B4GALT5: variants seen among roughly 807,000 people sequenced by gnomAD.
B4GALT5 encodes beta-1,4-galactosyltransferase 5.
Under a neutral mutation model 45.0 loss-of-function variants are expected in B4GALT5, and 11 were observed. The observed-to-expected ratio is 0.24, with a 90% CI of 0.15 to 0.40. B4GALT5 has a LOEUF of 0.40. Ranked by LOEUF, B4GALT5 falls within the 10% of genes least tolerant of loss-of-function variation. The pLI is 1.00. For synonymous variants in B4GALT5, 185 were observed against 182.9 expected, an observed-to-expected ratio of 1.01 and a Z score of -0.09; for missense variants, 337 against 500.2, an observed-to-expected ratio of 0.67 and a Z score of 3.11.
intron 1 of B4GALT5, among the ~76,000 whole-genome samples, chr20:49,661,643 C>A (rs1355620171): frequency 6.6e-6 from 1 of 152,178 alleles, no homozygotes; most frequent in Non-Finnish European, 1.5e-5. Context: ...GTGGTTAAAT[C>A]CTCCAGTTTC....
chr20:49,641,899 T>C (rs796823294), intron 5 of B4GALT5, among the ~76,000 whole-genome samples: 5 of 152,168 alleles, frequency 3.3e-5, no homozygotes, highest in Middle Eastern at 3.4e-3. Flanking sequence ...AGGACAGTCA[T>C]GTTCCATCTA....
intron 1 of B4GALT5, among the ~76,000 whole-genome samples, chr20:49,674,082 A>T: frequency 5.6e-4 from 1 of 1,798 alleles, no homozygotes; most frequent in Non-Finnish European, 1.8e-3. Flanking sequence ...TTAAAAATAC[A>T]AAAAAAAAAA....
Position 49,647,015 on chromosome 20 carries a change from T to C in B4GALT5, c.314A>G (p.Asp105Gly). The C allele has an allele frequency of 1.2e-6, 2 of 1,614,016 alleles. No individual in the cohort carries two copies. The highest frequency in any genetic ancestry group is 1.7e-6 in the Non-Finnish European group (2 of 1,179,936). Residue 105 changes from aspartate to glycine, a missense_variant, in exon 3 of 9, where the codon GAC becomes GGC. Transcript: ENST00000371711. ...GGTATGGTTTGCAAAGTAGGTGAAGTCTTCAGGAAGAAATGTTGTAGTTTG... is the reference window on the plus strand; with the variant it reads ...GGTATGGTTTGCAAAGTAGGTGAAGCCTTCAGGAAGAAATGTTGTAGTTTG... ...FLQTTTFLPE[D>G]FTYFANHTCP...
chr20:49,639,272 T>C (rs1415866858), intron 7 of B4GALT5, among the ~76,000 whole-genome samples: 1 of 152,222 alleles, frequency 6.6e-6, no homozygotes, highest in Non-Finnish European at 1.5e-5. Context: ...AATAGCTGCT[T>C]TGTTGGGATA....
At chr20:49,672,841 A>G (rs1304884854) in intron 1 of B4GALT5, among the ~76,000 whole-genome samples, 2 of 152,198 alleles carry the variant, frequency 1.3e-5, no homozygotes, top group African/African-American at 4.8e-5. Context: ...AAACAAACAA[A>G]AAACAAATCT....
At chr20:49,667,017 A>G (rs2085693466) in intron 1 of B4GALT5, among the ~76,000 whole-genome samples, 1 of 152,172 alleles carries the variant, frequency 6.6e-6, no homozygotes, top group Non-Finnish European at 1.5e-5. Flanking sequence ...ACTGAGAGGC[A>G]GGTTGTTACC....
chr20:49,684,542 G>A (rs560783528), intron 1 of B4GALT5: 6 of 514,856 alleles, frequency 1.2e-5, no homozygotes, highest in Non-Finnish European at 2.3e-5. Context: ...CAGCCTGGGC[G>A]ATAGAGCAAG....
chr20:49,658,962 T>A (rs1030953230), intron 1 of B4GALT5, among the ~76,000 whole-genome samples: 2 of 152,198 alleles, frequency 1.3e-5, no homozygotes, highest in African/African-American at 2.4e-5. Flanking sequence ...AGTAATACTA[T>A]CCAATTTACA....
rs1984437385 is a variant in B4GALT5 at position 49,633,763 on chromosome 20, T to C, written c.*2549A>G. On this transcript the variant is annotated 3_prime_UTR_variant, in exon 9 of 9. Transcript: ENST00000371711. ...TTCAAACAAGATCGCCTGACAACAC[T>C]GCCGCATACACATACGGCACCCAGG... The C allele has an allele frequency of 6.6e-6, 1 of 152,544 alleles. No individual in the cohort carries two copies. Among genetic ancestry groups the C allele is most frequent in the African/African-American group, 2.4e-5 (1 of 41,446 alleles). The allele number at this position is 152,544 out of a possible 1,614,324, so 9.4% of individuals were successfully genotyped here. A position where few individuals can be genotyped will look rare whatever the true frequency, so the allele number is the denominator to read the frequency against.
chr20:49,700,009 C>CA (rs1390387583), intron 1 of B4GALT5, among the ~76,000 whole-genome samples: 2 of 152,162 alleles, frequency 1.3e-5, no homozygotes, highest in African/African-American at 4.8e-5. Context: ...CGCTGCCCCC[C>CA]ACCCTTGCCC....
At chr20:49,649,768 T>A (rs2085613681) in intron 2 of B4GALT5, among the ~76,000 whole-genome samples, 1 of 152,114 alleles carries the variant, frequency 6.6e-6, no homozygotes, top group African/African-American at 2.4e-5. Flanking sequence ...ATGAATCTAA[T>A]AGATGAAATT....
chr20:49,664,912 G>A (rs1283589244), intron 1 of B4GALT5, among the ~76,000 whole-genome samples: 2 of 152,192 alleles, frequency 1.3e-5, no homozygotes, highest in Admixed American at 6.5e-5. Context: ...GTGAACTCAG[G>A]TGTAGAGCAT....
intron 1 of B4GALT5, among the ~76,000 whole-genome samples, chr20:49,704,756 A>G (rs1170031999): frequency 6.6e-6 from 1 of 151,866 alleles, no homozygotes; most frequent in Non-Finnish European, 1.5e-5. Flanking sequence ...AAACCACAAC[A>G]TTGCTGTCTT....
At chr20:49,708,486 T>C (rs1302633799) in intron 1 of B4GALT5, among the ~76,000 whole-genome samples, 1 of 152,152 alleles carries the variant, frequency 6.6e-6, no homozygotes, top group Non-Finnish European at 1.5e-5. Flanking sequence ...TTCGATCAAA[T>C]CAGGTAAGAT....
At chr20:49,711,810 C>T (rs141727732) in intron 1 of B4GALT5, among the ~76,000 whole-genome samples, 1 of 152,302 alleles carries the variant, frequency 6.6e-6, no homozygotes, top group African/African-American at 2.4e-5. Flanking sequence ...AAAACATCAA[C>T]ATTAACCACA....
At chr20:49,712,873 T>G (rs1600562949) in intron 1 of B4GALT5, among the ~76,000 whole-genome samples, 1 of 123,730 alleles carries the variant, frequency 8.1e-6, no homozygotes. Context: ...CATGGGACGC[T>G]CAGGGGATTA....
chr20:49,659,923 G>A (rs1014260710), intron 1 of B4GALT5, among the ~76,000 whole-genome samples: 4 of 151,802 alleles, frequency 2.6e-5, no homozygotes, highest in Non-Finnish European at 4.4e-5. Context: ...ACTACTACAG[G>A]TGCATGCCAC....
At chr20:49,698,962 G>T (rs1368664102) in intron 1 of B4GALT5, among the ~76,000 whole-genome samples, 1 of 152,018 alleles carries the variant, frequency 6.6e-6, no homozygotes, top group Admixed American at 6.6e-5. Context: ...TAGAAAAGAT[G>T]AAACAATTTA....
chr20:49,662,298 C>T (rs1166770340), intron 1 of B4GALT5, among the ~76,000 whole-genome samples: 2 of 152,066 alleles, frequency 1.3e-5, no homozygotes, highest in African/African-American at 4.8e-5. Context: ...ACCCAAACAC[C>T]AATCACCCTC....
Sources: allele counts gnomAD v4.1 joint callset (sites outside exome capture counted in the v4.1 genomes callset), GRCh38; gene constraint gnomAD v4.1.1; transcripts MANE v1.5; gene names NCBI Gene and HGNC (gene_info 2026-07-23, HGNC 2026-07-21).